ZNF280D: variants seen among roughly 807,000 people sequenced by gnomAD.
ZNF280D encodes suppressor of hairy wing homolog 4.
A neutral mutation model predicts 94.7 loss-of-function variants in ZNF280D; 39 were observed. The observed-to-expected ratio is 0.41, with a 90% CI of 0.32 to 0.54. The LOEUF (loss-of-function observed/expected upper bound fraction) is 0.54. ZNF280D is among the 20% of genes least tolerant of loss of function. ZNF280D has a pLI of 0.22. For missense variants in ZNF280D, 1,090 were observed against 1,149.3 expected (o/e 0.95, Z 0.75); for synonymous variants, 398 against 377.6 (o/e 1.05, Z -0.63).
rs10633210 is a variant in ZNF280D at position 56,685,341 on chromosome 15, A to AAAAACAAAACAAAAC, written c.781-2879_781-2865dup. 2.8e-3 allele frequency among the ~76,000 whole-genome samples: 425 copies of AAAAACAAAACAAAAC among 150,434 alleles called. 1 individual carries two copies. The highest frequency in any genetic ancestry group is 0.011 in the South Asian group (54 of 4,736). On this transcript the variant is annotated intron_variant, in intron 9 of 21. Transcript: ENST00000267807. ...TCAAAACAAATATGACATAAGGTAA[A>AAAAACAAAACAAAAC]AAAACAAAACAAAACAAAACAAAAC...
intron 1 of ZNF280D, among the ~76,000 whole-genome samples, chr15:56,712,571 G>T (rs1441126904): frequency 8.9e-6 from 1 of 112,968 alleles, no homozygotes; most frequent in African/African-American, 3.5e-5. Context: ...TCCAGCCTGG[G>T]TGACAGTGTG....
intron 1 of ZNF280D, 166 bp from the exon 2 acceptor site, chr15:56,707,472 A>G (rs1430803965): frequency 5.5e-6 from 1 of 181,484 alleles, no homozygotes; most frequent in Non-Finnish European, 1.1e-5. Flanking sequence ...CAAATTTAAT[A>G]AATAAATGGT....
At chr15:56,687,201 T>C (rs1276453760) in intron 9 of ZNF280D, among the ~76,000 whole-genome samples, 1 of 152,154 alleles carries the variant, frequency 6.6e-6, no homozygotes, top group Non-Finnish European at 1.5e-5. Flanking sequence ...CATATTATCT[T>C]CAACTTAGTT....
At chr15:56,688,949 A>C in intron 9 of ZNF280D, 92 bp downstream of exon 9, 1 of 703,724 alleles carries the variant, frequency 1.4e-6, no homozygotes. Flanking sequence ...TACCAATGAG[A>C]TTATTTCTGG....
At chr15:56,636,293 G>C (rs905077327) in intron 20 of ZNF280D, among the ~76,000 whole-genome samples, 1 of 152,062 alleles carries the variant, frequency 6.6e-6, no homozygotes, top group Admixed American at 6.6e-5. Flanking sequence ...AGGAGTGCAA[G>C]GAAAAGAGAT....
chr15:56,669,665 A>G (rs1026615761), intron 13 of ZNF280D, among the ~76,000 whole-genome samples: 1 of 146,878 alleles, frequency 6.8e-6, no homozygotes, highest in African/African-American at 2.5e-5. Context: ...AAACAGAACA[A>G]CTGAACTTAC....
At chr15:56,637,469 C>G (rs535126849) in intron 20 of ZNF280D, among the ~76,000 whole-genome samples, 1 of 152,198 alleles carries the variant, frequency 6.6e-6, no homozygotes, top group East Asian at 1.9e-4. Context: ...GCATGAGCCA[C>G]CACACCTGGC....
At chr15:56,642,892 C>G in intron 20 of ZNF280D, 60 bp downstream of exon 20, 1 of 1,244,718 alleles carries the variant, frequency 8.0e-7, no homozygotes, top group Non-Finnish European at 1.1e-6. Context: ...AATTTTATAT[C>G]ATACCAATAA....
intron 19 of ZNF280D, among the ~76,000 whole-genome samples, chr15:56,650,145 T>C (rs545708315): frequency 6.6e-6 from 1 of 152,216 alleles, no homozygotes; most frequent in African/African-American, 2.4e-5. Flanking sequence ...ATAAACCATG[T>C]TTTATTCATG....
chr15:56,658,546 A>G (rs546017856), intron 16 of ZNF280D, 60 bp from the exon 17 acceptor site: 3 of 1,218,372 alleles, frequency 2.5e-6, no homozygotes, highest in African/African-American at 1.6e-5. Context: ...TTAATTTATA[A>G]CTATATTTCA....
At chr15:56,675,515 T>C (rs1279997287) in intron 13 of ZNF280D, among the ~76,000 whole-genome samples, 2 of 152,012 alleles carry the variant, frequency 1.3e-5, no homozygotes, top group African/African-American at 4.8e-5. Flanking sequence ...ATTAAATTTT[T>C]TATAAGTATA....
At chr15:56,649,396 G>A (rs1275032224) in intron 19 of ZNF280D, among the ~76,000 whole-genome samples, 1 of 152,120 alleles carries the variant, frequency 6.6e-6, no homozygotes, top group Non-Finnish European at 1.5e-5. Flanking sequence ...AAAGGCAGAA[G>A]TCCAAATTGC....
intron 1 of ZNF280D, among the ~76,000 whole-genome samples, chr15:56,720,683 C>T (rs147633003): frequency 6.6e-6 from 1 of 152,222 alleles, no homozygotes; most frequent in East Asian, 1.9e-4. Flanking sequence ...GACTCCTTGA[C>T]CCATGGGCAG....
At chr15:56,726,252 G>C (rs1567047946) in intron 1 of ZNF280D, among the ~76,000 whole-genome samples, 2 of 151,782 alleles carry the variant, frequency 1.3e-5, no homozygotes, top group Admixed American at 6.6e-5. Context: ...GAGGCAGGTA[G>C]GTTTAATGTG....
chr15:56,703,036 G>A (rs1408083066), intron 4 of ZNF280D, among the ~76,000 whole-genome samples: 2 of 151,234 alleles, frequency 1.3e-5, no homozygotes, highest in Admixed American at 6.6e-5. Flanking sequence ...AAATGGAAAA[G>A]GATCTATTTT....
chr15:56,671,991 T>A (rs2140925593), intron 13 of ZNF280D, among the ~76,000 whole-genome samples: 1 of 152,272 alleles, frequency 6.6e-6, no homozygotes. Flanking sequence ...TGCCTGTTAT[T>A]GGTATATAGA....
intron 6 of ZNF280D, among the ~76,000 whole-genome samples, chr15:56,694,587 A>C (rs1351263554): frequency 6.6e-6 from 1 of 152,186 alleles, no homozygotes; most frequent in Admixed American, 6.6e-5. Context: ...TTACCAGCCA[A>C]AGAAATGCAA....
intron 1 of ZNF280D, chr15:56,724,935 G>A (rs1419856392): frequency 1.3e-5 from 6 of 451,456 alleles, no homozygotes; most frequent in African/African-American, 8.1e-5. Flanking sequence ...GGTTATGAAG[G>A]CCTTTCTAGC....
intron 1 of ZNF280D, chr15:56,724,914 T>C (rs753321663): frequency 4.4e-6 from 2 of 455,014 alleles, no homozygotes; most frequent in South Asian, 3.1e-5. Context: ...GCTATTTCCA[T>C]GTTGCATTTT....
Sources: allele counts gnomAD v4.1 joint callset (sites outside exome capture counted in the v4.1 genomes callset), GRCh38; gene constraint gnomAD v4.1.1; transcripts MANE v1.5; gene names NCBI Gene and HGNC (gene_info 2026-07-23, HGNC 2026-07-21).